The following ATXN7L1 variants were observed in gnomAD, a reference collection of about 807,000 sequenced individuals.
The protein encoded by ATXN7L1 is ataxin 7 like 1.
In ATXN7L1, 15 loss-of-function variants were observed where a neutral mutation model predicts 70.8. That is an observed-to-expected ratio of 0.21 (90% CI 0.14 to 0.33). ATXN7L1 has a LOEUF of 0.33. Among genes scored for constraint, ATXN7L1 ranks in the 10% least tolerant of loss-of-function variants. The pLI is 1.00. For missense variants in ATXN7L1, 975 were observed against 1,097.1 expected (o/e 0.89, Z 1.57); for synonymous variants, 440 against 445.1 (o/e 0.99, Z 0.14).
chr7:105,756,324 T>C (rs1799804026), intron 3 of ATXN7L1, among the ~76,000 whole-genome samples: 1 of 152,188 alleles, frequency 6.6e-6, no homozygotes, highest in Non-Finnish European at 1.5e-5. Context: ...CTCATGAGCA[T>C]GTGGGCAAAG....
chr7:105,738,735 C>G (rs899867034), intron 3 of ATXN7L1, among the ~76,000 whole-genome samples: 1 of 152,208 alleles, frequency 6.6e-6, no homozygotes, highest in East Asian at 1.9e-4. Flanking sequence ...CAGGCATGAG[C>G]TATAATGACT....
intron 2 of ATXN7L1, among the ~76,000 whole-genome samples, chr7:105,848,205 T>C (rs1013249837): frequency 7.2e-5 from 11 of 152,240 alleles, no homozygotes; most frequent in African/African-American, 2.7e-4. Flanking sequence ...TTGAACTTAT[T>C]AAATCATCAA....
chr7:105,731,434 CTTTT>C (rs34234302), intron 3 of ATXN7L1, among the ~76,000 whole-genome samples: 2 of 134,282 alleles, frequency 1.5e-5, no homozygotes, highest in Non-Finnish European at 1.6e-5. Flanking sequence ...CTTCTTACTC[CTTTT>C]TTTTTTTTTT....
At chr7:105,752,472 T>C (rs1405007798) in intron 3 of ATXN7L1, among the ~76,000 whole-genome samples, 1 of 152,150 alleles carries the variant, frequency 6.6e-6, no homozygotes, top group East Asian at 1.9e-4. Context: ...TTCTAGGAAA[T>C]GTAGTTCACC....
intron 3 of ATXN7L1, among the ~76,000 whole-genome samples, chr7:105,734,046 T>C (rs970459155): frequency 3.3e-5 from 5 of 152,120 alleles, no homozygotes; most frequent in Non-Finnish European, 5.9e-5. Context: ...ATTTGGCACA[T>C]CATCTTATCT....
chr7:105,738,552 A>T (rs16871945), intron 3 of ATXN7L1, among the ~76,000 whole-genome samples: 4 of 152,264 alleles, frequency 2.6e-5, no homozygotes, highest in African/African-American at 9.6e-5. Flanking sequence ...TTTAACTTGT[A>T]AAAGAATCCT....
At chr7:105,875,726 C>T (rs961122360) in intron 2 of ATXN7L1, 86 bp downstream of exon 2, 48 of 1,298,712 alleles carry the variant, frequency 3.7e-5, no homozygotes, top group Middle Eastern at 2.0e-4. Flanking sequence ...CACTCTGTAC[C>T]CAGCAGAACA....
At position 105,727,762 on chromosome 7, in the gene ATXN7L1, A is replaced by G. The variant is rs1223988197; in HGVS notation, c.355+60842T>C. 1.3e-4 allele frequency among the ~76,000 whole-genome samples: 12 copies of G among 92,028 alleles called. No individual in the cohort carries two copies. The South Asian group carries it at 2.8e-3, about 22-fold the overall frequency. The allele number at this position is 92,028 out of a possible 152,430, so 60.4% of individuals were successfully genotyped here. A position where few individuals can be genotyped will look rare whatever the true frequency, so the allele number is the denominator to read the frequency against. ...TGTATGTGTGTATATATATATATAT[A>G]TATATATATATATATACACACACAT... On this transcript the variant is annotated intron_variant, in intron 3 of 11. Transcript: ENST00000419735.
chr7:105,865,088 C>T (rs895803748), intron 2 of ATXN7L1, among the ~76,000 whole-genome samples: 9 of 152,188 alleles, frequency 5.9e-5, no homozygotes, highest in African/African-American at 2.2e-4. Flanking sequence ...CGCAGTCTGT[C>T]CCCTGGAAGT....
At chr7:105,758,429 C>T (rs958365901) in intron 3 of ATXN7L1, among the ~76,000 whole-genome samples, 3 of 152,232 alleles carry the variant, frequency 2.0e-5, no homozygotes, top group Admixed American at 1.3e-4. Context: ...GAGCAGTGAA[C>T]CTTGCTCCCA....
chr7:105,677,287 C>T (rs1804829190), intron 3 of ATXN7L1, among the ~76,000 whole-genome samples: 1 of 152,222 alleles, frequency 6.6e-6, no homozygotes, highest in South Asian at 2.1e-4. Context: ...AGCTCTGTCA[C>T]TCATTAGCTC....
intron 2 of ATXN7L1, among the ~76,000 whole-genome samples, chr7:105,802,183 T>C (rs1806917717): frequency 6.6e-6 from 1 of 152,198 alleles, no homozygotes; most frequent in African/African-American, 2.4e-5. Flanking sequence ...AGTCAAGGCA[T>C]AGACGCTTCA....
rs761283390 is a variant in ATXN7L1, at chr7:105,610,542, C to A, written c.2534G>T (p.Gly845Val). 1.9e-6 allele frequency: 3 copies of A among 1,551,114 alleles called. No homozygotes were observed. The highest frequency in any genetic ancestry group is 1.7e-6 in the Non-Finnish European group (2 of 1,146,834). ...QSSPSSISSPGHSRQNTNRTG... is the reference protein window; with the variant it reads ...QSSPSSISSPVHSRQNTNRTG... Reference sequence around the variant, plus strand: ...TCAGTAACTTACCTGTCGGCTGTGTCCTGGGCTGGATATACTTGAAGGACT... The same window carrying A: ...TCAGTAACTTACCTGTCGGCTGTGTACTGGGCTGGATATACTTGAAGGACT... Residue 845 changes from glycine to valine, a missense_variant, in exon 11 of 12, where the codon GGA (glycine) becomes GTA (valine). By Grantham distance (109) the Gly-to-Val change is moderately radical. Around this residue, in one of 5 missense-constraint regions of ATXN7L1, gnomAD observed 635 missense variants for 699.4 expected, o/e 0.91. Transcript: ENST00000419735.
chr7:105,750,955 C>T (rs558882114), intron 3 of ATXN7L1, among the ~76,000 whole-genome samples: 4 of 152,336 alleles, frequency 2.6e-5, no homozygotes, highest in East Asian at 3.9e-4. Flanking sequence ...AACCCACTTT[C>T]GTTGCTTCAA....
chr7:105,855,966 C>G (rs212420), intron 2 of ATXN7L1, among the ~76,000 whole-genome samples: 143,397 of 152,294 alleles, frequency 0.94, 67,587 homozygotes, highest in East Asian at 0.98. Flanking sequence ...ACCAATCCTT[C>G]GATATCAAGG....
At chr7:105,729,692 A>C (rs926460388) in intron 3 of ATXN7L1, among the ~76,000 whole-genome samples, 21 of 149,400 alleles carry the variant, frequency 1.4e-4, no homozygotes, top group African/African-American at 4.0e-4. Context: ...GGCCTCCCAG[A>C]GTGTGGGGAT....
chr7:105,632,230 G>A lies in ATXN7L1; in HGVS notation c.1202+6123C>T, dbSNP rs973507754. Among the ~76,000 whole-genome samples the A allele has an allele frequency of 3.3e-5, 5 of 152,092 alleles. No individual in the cohort carries two copies. The South Asian group carries it at 6.2e-4, about 19-fold the overall frequency. On this transcript the variant is annotated intron_variant, in intron 7 of 11. Coordinates refer to ENST00000419735, the MANE Select transcript of ATXN7L1 (RefSeq NM_020725.2). The stretch of plus-strand genomic sequence containing the variant: ...AAACAAACCTGGAAAAAACTAAGAC[G>A]ATGATGGAAAGAGAAAAAACTAAAA...
intron 3 of ATXN7L1, among the ~76,000 whole-genome samples, chr7:105,745,116 T>C (rs532168794): frequency 6.6e-6 from 1 of 152,298 alleles, no homozygotes; most frequent in African/African-American, 2.4e-5. Flanking sequence ...TCCTGATAAT[T>C]GTACTCTGGT....
At chr7:105,729,781 A>G (rs1022164750) in intron 3 of ATXN7L1, among the ~76,000 whole-genome samples, 1 of 142,748 alleles carries the variant, frequency 7.0e-6, no homozygotes, top group Non-Finnish European at 1.5e-5. Context: ...TCTGTCGCCC[A>G]GGCTGGGGTG....
Sources: gnomAD v4.1 joint callset for allele counts (sites outside exome capture counted in the v4.1 genomes callset) on GRCh38, gnomAD v4.1.1 for gene constraint, gnomAD v4.1.1 regional missense constraint, MANE v1.5 for transcripts, NCBI Gene and HGNC (gene_info 2026-07-23, HGNC 2026-07-21) for gene names.